Variants in MARCHF6 observed in about 807,000 individuals in gnomAD.
The protein encoded by MARCHF6 is membrane associated ring-CH-type finger 6.
In MARCHF6, 31 loss-of-function variants were observed where a neutral mutation model predicts 133.7. The observed-to-expected ratio is 0.23, with a 90% confidence interval of 0.17 to 0.31. The LOEUF (loss-of-function observed/expected upper bound fraction) is 0.31, where lower values mean the gene tolerates loss of function less well. MARCHF6 is among the 10% of genes least tolerant of loss of function. MARCHF6 has a pLI of 1.00. For missense variants in MARCHF6, 723 were observed against 1,121.6 expected (o/e 0.64, Z 5.08); for synonymous variants, 395 against 402.5 (o/e 0.98, Z 0.22).
At chr5:10,360,144 GTTTTTTTTT>G (rs1164778520) in intron 1 of MARCHF6, among the ~76,000 whole-genome samples, 3 of 75,096 alleles carry the variant, frequency 4.0e-5, no homozygotes, top group African/African-American at 5.4e-5. Context: ...ATGTGTGTGT[GTTTTTTTTT>G]TTTTTTTTTT....
chr5:10,359,269 A>G lies in MARCHF6; in HGVS notation c.19+5352A>G, dbSNP rs569063427. On this transcript the variant is annotated intron_variant, in intron 1 of 25. Coordinates refer to ENST00000274140, the MANE Select transcript of MARCHF6 (RefSeq NM_005885.4). Reference sequence around the variant, plus strand: ...ATTGCTTCATATGTGCCATAGATTGAGGTTTGTAGCTGTGGTTGCTGGCCA... The same window carrying G: ...ATTGCTTCATATGTGCCATAGATTGGGGTTTGTAGCTGTGGTTGCTGGCCA... Among the ~76,000 whole-genome samples, 194 of 152,270 alleles carry G rather than the reference A, an allele frequency of 1.3e-3. 1 individual carries two copies. The highest frequency in any genetic ancestry group is 2.1e-3 in the Non-Finnish European group (145 of 68,032).
chr5:10,403,653 A>T (rs946166430), intron 15 of MARCHF6, 112 bp downstream of exon 15: 1 of 964,442 alleles, frequency 1.0e-6, no homozygotes, highest in Non-Finnish European at 1.5e-6. Flanking sequence ...CATATTCTCT[A>T]CTATTTTATT....
intron 1 of MARCHF6, among the ~76,000 whole-genome samples, chr5:10,365,543 G>C (rs1437805814): frequency 1.3e-5 from 2 of 151,798 alleles, no homozygotes; most frequent in African/African-American, 4.8e-5. Context: ...CAGGTGATCC[G>C]CCCACCTCAG....
intron 22 of MARCHF6, among the ~76,000 whole-genome samples, chr5:10,418,849 G>C (rs958019459): frequency 6.6e-6 from 1 of 152,164 alleles, no homozygotes; most frequent in South Asian, 2.1e-4. Context: ...GGTGTTGTGT[G>C]GTGTGATTAG....
chr5:10,369,586 T>A (rs1430115366), intron 1 of MARCHF6, among the ~76,000 whole-genome samples: 2 of 147,980 alleles, frequency 1.4e-5, no homozygotes, highest in African/African-American at 2.5e-5. Context: ...ACAGTCAAGG[T>A]ATAGAATAGT....
At chr5:10,385,903 A>G (rs1269891768) in intron 4 of MARCHF6, among the ~76,000 whole-genome samples, 1 of 152,190 alleles carries the variant, frequency 6.6e-6, no homozygotes, top group Non-Finnish European at 1.5e-5. Flanking sequence ...TTTCTGTTCT[A>G]ATTTGTTTAT....
intron 1 of MARCHF6, among the ~76,000 whole-genome samples, chr5:10,370,514 G>A (rs1463810124): frequency 1.3e-5 from 2 of 152,130 alleles, no homozygotes; most frequent in African/African-American, 2.4e-5. Context: ...ACACCTTGTT[G>A]TGCAACCATC....
At chr5:10,365,850 A>G (rs570262825) in intron 1 of MARCHF6, among the ~76,000 whole-genome samples, 2 of 152,178 alleles carry the variant, frequency 1.3e-5, no homozygotes, top group African/African-American at 2.4e-5. Context: ...TCTTTAGGCT[A>G]TGGTGTTTTT....
At chr5:10,423,941 A>G in intron 23 of MARCHF6, 117 bp downstream of exon 23, 2 of 554,046 alleles carry the variant, frequency 3.6e-6, no homozygotes, top group Non-Finnish European at 3.0e-6. Flanking sequence ...ATTTTTTTTG[A>G]TGGGCATATA....
chr5:10,389,305 T>A (rs956417008), intron 5 of MARCHF6, among the ~76,000 whole-genome samples: 9 of 152,366 alleles, frequency 5.9e-5, no homozygotes, highest in Non-Finnish European at 5.9e-5. Context: ...GTATGATTAC[T>A]AAAGGAACCA....
intron 17 of MARCHF6, among the ~76,000 whole-genome samples, chr5:10,409,703 CA>C (rs1309853531): frequency 2.6e-5 from 4 of 152,106 alleles, no homozygotes; most frequent in Non-Finnish European, 2.9e-5. Context: ...AGGTCAGAAA[CA>C]GGAAGCCAGC....
intron 1 of MARCHF6, among the ~76,000 whole-genome samples, chr5:10,359,478 G>T (rs1468889195): frequency 1.3e-5 from 2 of 152,112 alleles, no homozygotes; most frequent in African/African-American, 4.8e-5. Context: ...ATATAATACA[G>T]TACGCAATAC....
At chr5:10,363,539 T>C (rs578131091) in intron 1 of MARCHF6, among the ~76,000 whole-genome samples, 2 of 152,296 alleles carry the variant, frequency 1.3e-5, no homozygotes, top group East Asian at 3.9e-4. Flanking sequence ...TTTGTTACGC[T>C]AGGAATGTAA....
chr5:10,425,912 C>A (rs561290183), intron 23 of MARCHF6, among the ~76,000 whole-genome samples: 12 of 152,202 alleles, frequency 7.9e-5, no homozygotes, highest in African/African-American at 2.9e-4. Context: ...TTTTTAAATA[C>A]CTTTTGATTT....
At position 10,391,813 on chromosome 5, in the gene MARCHF6, C is replaced by T. The variant is rs533483679; in HGVS notation, c.766+82C>T. Reference sequence around the variant, plus strand: ...CATTGAGGAAAAGGGCTGGCGTTTTCAAATTTTTAATGTTGTGAAGTTCTA... The same window carrying T: ...CATTGAGGAAAAGGGCTGGCGTTTTTAAATTTTTAATGTTGTGAAGTTCTA... On this transcript the variant is annotated intron_variant, in intron 7 of 25. Transcript: ENST00000274140. 1.7e-5 allele frequency: 23 copies of T among 1,317,240 alleles called. No individual in the cohort carries two copies. The Admixed American group carries it at 7.1e-4, about 41-fold the overall frequency. The allele number at this position is 1,317,240 out of a possible 1,614,324, so 81.6% of individuals were successfully genotyped here.
In MARCHF6 at chr5:10,417,717, CAAAAAA is replaced by C. The variant is rs748194332; in HGVS notation, c.2283+329_2283+334del. Among the ~76,000 whole-genome samples, 62 of 52,520 alleles carry C rather than the reference CAAAAAA, an allele frequency of 1.2e-3. No individual in the cohort carries two copies. In the East Asian group the frequency reaches 0.014, roughly 12 times the overall value. The allele number at this position is 52,520 out of a possible 152,430, so 34.5% of individuals were successfully genotyped here. A position where few individuals can be genotyped will look rare whatever the true frequency, so the allele number is the denominator to read the frequency against. ...GGGCAACAGAGTAAGAGCCTCTGTCCAAAAAAAAAAAAAAAAAAAAAGACAAAAGGA... is the reference window on the plus strand; with the variant it reads ...GGGCAACAGAGTAAGAGCCTCTGTCCAAAAAAAAAAAAAAAGACAAAAGGA... On this transcript the variant is annotated intron_variant, in intron 22 of 25. Coordinates refer to ENST00000274140, the MANE Select transcript of MARCHF6 (RefSeq NM_005885.4).
rs1579551911 is a variant in MARCHF6, at chr5:10,381,783, T to C, written c.191-17T>C. 6.4e-7 allele frequency: 1 copy of C among 1,553,452 alleles called. No homozygotes were observed. Among genetic ancestry groups the C allele is most frequent in the Non-Finnish European group, 8.7e-7 (1 of 1,150,102 alleles). On this transcript the variant is annotated splice_polypyrimidine_tract_variant and intron_variant, in intron 3 of 25. Coordinates refer to ENST00000274140, the MANE Select transcript of MARCHF6 (RefSeq NM_005885.4). ...CGAATCTTCATGAAACTGTAAGTAC[T>C]TTTTTTCCGCTTATAGTTTATTCTC...
chr5:10,384,311 T>G (rs1002765428), intron 4 of MARCHF6, among the ~76,000 whole-genome samples: 1 of 147,278 alleles, frequency 6.8e-6, no homozygotes, highest in Non-Finnish European at 1.5e-5. Flanking sequence ...GGCAATTGAA[T>G]TCTGGCACTC....
At position 10,365,292 on chromosome 5, in the gene MARCHF6, G is replaced by C. The variant is rs144766859; in HGVS notation, c.19+11375G>C. Among the ~76,000 whole-genome samples the C allele has an allele frequency of 2.9e-3, 436 of 151,752 alleles. 2 individuals are homozygous for C. Among genetic ancestry groups the C allele is most frequent in the African/African-American group, 9.5e-3 (391 of 41,370 alleles). ...AAACTTTGGGGTACATAGAGAATTG[G>C]AATTATTATTATTATTATTATTTTT... On this transcript the variant is annotated intron_variant, in intron 1 of 25. Transcript: ENST00000274140.
Sources: allele counts gnomAD v4.1 joint callset (sites outside exome capture counted in the v4.1 genomes callset), GRCh38; gene constraint gnomAD v4.1.1; transcripts MANE v1.5; gene names NCBI Gene and HGNC (gene_info 2026-07-23, HGNC 2026-07-21).